TLL1: variants seen among roughly 807,000 people sequenced by gnomAD.
TLL1 encodes tolloid-like protein 1.
A neutral mutation model predicts 128.2 loss-of-function variants in TLL1; 49 were observed. That is an observed-to-expected ratio of 0.38 (90% confidence interval 0.30 to 0.48). The LOEUF (loss-of-function observed/expected upper bound fraction) is 0.48, where lower values mean the gene tolerates loss of function less well. Ranked by LOEUF, TLL1 falls within the 20% of genes least tolerant of loss-of-function variation. TLL1 has a pLI of 0.96. For missense variants in TLL1, 1,123 were observed against 1,242.0 expected, an observed-to-expected ratio of 0.90 and a Z score of 1.44; for synonymous variants, 454 against 418.8, an observed-to-expected ratio of 1.08 and a Z score of -1.03.
chr4:165,960,462 A>G (rs901575603), intron 1 of TLL1, among the ~76,000 whole-genome samples: 1 of 152,166 alleles, frequency 6.6e-6, no homozygotes, highest in Non-Finnish European at 1.5e-5. Context: ...AACTCATTCT[A>G]GGAAGCCAGC....
chr4:165,923,742 C>G (rs1473019852), intron 1 of TLL1, among the ~76,000 whole-genome samples: 1 of 152,054 alleles, frequency 6.6e-6, no homozygotes, highest in Middle Eastern at 3.2e-3. Flanking sequence ...GCTGGTATAC[C>G]TGGTTTTATT....
At chr4:165,991,425 T>G (rs1182632926) in intron 2 of TLL1, among the ~76,000 whole-genome samples, 1 of 152,018 alleles carries the variant, frequency 6.6e-6, no homozygotes, top group Non-Finnish European at 1.5e-5. Context: ...GATGCCATAC[T>G]TTTAAAATGT....
intron 18 of TLL1, among the ~76,000 whole-genome samples, chr4:166,085,309 A>C (rs987758293): frequency 6.7e-6 from 1 of 150,100 alleles, no homozygotes; most frequent in Non-Finnish European, 1.5e-5. Flanking sequence ...GACCTCCGGT[A>C]CTATACTGAA....
At chr4:165,989,194 C>G (rs1046965563) in intron 1 of TLL1, among the ~76,000 whole-genome samples, 187 bp from the exon 2 acceptor site, 1 of 151,430 alleles carries the variant, frequency 6.6e-6, no homozygotes, top group Non-Finnish European at 1.5e-5. Flanking sequence ...TGGAGTTATG[C>G]CCTTTTACAG....
chr4:166,076,450 T>C (rs1210305759), intron 17 of TLL1, among the ~76,000 whole-genome samples: 2 of 152,192 alleles, frequency 1.3e-5, no homozygotes, highest in Admixed American at 6.5e-5. Context: ...AGATTATACA[T>C]GTAGCCTGTG....
chr4:165,967,538 G>A lies in TLL1; in HGVS notation c.170-21843G>A, dbSNP rs146343978. 5.3e-3 allele frequency among the ~76,000 whole-genome samples: 804 copies of A among 152,296 alleles called. 2 individuals are homozygous for A. The highest frequency in any genetic ancestry group is 8.5e-3 in the Non-Finnish European group (576 of 68,028). On this transcript the variant is annotated intron_variant, in intron 1 of 20. Coordinates refer to ENST00000061240, the MANE Select transcript of TLL1 (RefSeq NM_012464.5). ...TGCCATGGCTTTGGCCGGTCACTCC[G>A]TTTGGGGTTCCTGACTGCCCACAAC... is the stretch of plus-strand genomic sequence containing the variant.
chr4:165,934,580 G>A (rs1733681767), intron 1 of TLL1, among the ~76,000 whole-genome samples: 1 of 152,176 alleles, frequency 6.6e-6, no homozygotes. Flanking sequence ...GTGTCCCAGT[G>A]TGCTGATGGC....
chr4:165,999,411 A>G (rs1428164128), intron 5 of TLL1, among the ~76,000 whole-genome samples: 2 of 152,170 alleles, frequency 1.3e-5, no homozygotes, highest in Non-Finnish European at 2.9e-5. Context: ...CTTCTCCACA[A>G]GGCAGCAGGA....
intron 1 of TLL1, among the ~76,000 whole-genome samples, chr4:165,904,095 A>C (rs2110858699): frequency 6.6e-6 from 1 of 152,228 alleles, no homozygotes; most frequent in East Asian, 1.9e-4. Context: ...TTTTTCAAAA[A>C]AGTCTGTATT....
rs58612970 is a variant in TLL1, at chr4:165,961,737, T to C, written c.170-27644T>C. Among the ~76,000 whole-genome samples, 791 of 152,204 alleles carry C rather than the reference T, an allele frequency of 5.2e-3. 12 individuals are homozygous for C. The highest frequency in any genetic ancestry group is 0.018 in the African/African-American group (736 of 41,530). ...AGAGGGGAAAGGACACCTTATTAAATAAGTGGTGTGTGGATAACTGGCTAG... is the reference window on the plus strand; with the variant it reads ...AGAGGGGAAAGGACACCTTATTAAACAAGTGGTGTGTGGATAACTGGCTAG... On this transcript the variant is annotated intron_variant, in intron 1 of 20. Coordinates refer to ENST00000061240, the MANE Select transcript of TLL1 (RefSeq NM_012464.5).
intron 9 of TLL1, among the ~76,000 whole-genome samples, chr4:166,032,532 A>G (rs1738818293): frequency 6.6e-6 from 1 of 152,166 alleles, no homozygotes; most frequent in South Asian, 2.1e-4. Context: ...GCCTGAGGGC[A>G]TAGAAGACTT....
chr4:166,021,845 T>C (rs972308462), intron 8 of TLL1, among the ~76,000 whole-genome samples: 2 of 152,148 alleles, frequency 1.3e-5, no homozygotes, highest in Non-Finnish European at 2.9e-5. Flanking sequence ...TTTATTTTTA[T>C]ATCCTATCTG....
At chr4:166,094,489 C>T (rs1741930538) in intron 19 of TLL1, among the ~76,000 whole-genome samples, 1 of 152,106 alleles carries the variant, frequency 6.6e-6, no homozygotes, top group South Asian at 2.1e-4. Flanking sequence ...CACAGCCATT[C>T]AGATACCCAC....
intron 10 of TLL1, among the ~76,000 whole-genome samples, chr4:166,041,087 AAGAAATT>A (rs1739215856): frequency 6.6e-6 from 1 of 152,204 alleles, no homozygotes; most frequent in South Asian, 2.1e-4. Context: ...ACAGAATTAG[AAGAAATT>A]AGAAATTATG....
At chr4:165,970,173 G>A (rs1735570022) in intron 1 of TLL1, among the ~76,000 whole-genome samples, 1 of 152,186 alleles carries the variant, frequency 6.6e-6, no homozygotes, top group Non-Finnish European at 1.5e-5. Flanking sequence ...GTCTGTTAAT[G>A]TTTATAATTA....
chr4:166,014,152 G>A (rs1197556348), intron 7 of TLL1, among the ~76,000 whole-genome samples: 1 of 151,814 alleles, frequency 6.6e-6, no homozygotes, highest in Non-Finnish European at 1.5e-5. Flanking sequence ...ATGTCATGGT[G>A]TACTTTGTGG....
At chr4:165,999,655 G>C (rs999201393) in intron 5 of TLL1, among the ~76,000 whole-genome samples, 1 of 129,074 alleles carries the variant, frequency 7.7e-6, no homozygotes, top group Admixed American at 7.7e-5. Flanking sequence ...TTTTTTTTTT[G>C]TAAAAATGAG....
intron 9 of TLL1, chr4:166,030,385 T>C (rs1560822732): frequency 4.6e-6 from 2 of 433,456 alleles, no homozygotes; most frequent in East Asian, 6.9e-5. Context: ...TGTAGAAGTT[T>C]TTATATATTC....
intron 1 of TLL1, among the ~76,000 whole-genome samples, chr4:165,906,123 T>G (rs1732243644): frequency 6.6e-6 from 1 of 152,222 alleles, no homozygotes; most frequent in African/African-American, 2.4e-5. Flanking sequence ...TTTTGTATTG[T>G]CTATGGCTAC....
Sources: allele counts gnomAD v4.1 joint callset (sites outside exome capture counted in the v4.1 genomes callset), GRCh38; gene constraint gnomAD v4.1.1; transcripts MANE v1.5; gene names NCBI Gene and HGNC (gene_info 2026-07-23, HGNC 2026-07-21).